Variants in PPM1B observed in about 807,000 individuals in gnomAD.
PPM1B encodes protein phosphatase, Mg2+/Mn2+ dependent 1B.
A neutral mutation model predicts 43.0 loss-of-function variants in PPM1B; 22 were observed. The ratio of observed to expected loss-of-function variants is 0.51; its 90% CI spans 0.37 to 0.73. PPM1B has a LOEUF of 0.73. PPM1B is among the 30% of genes least tolerant of loss of function. The pLI is 0.00. For missense variants in PPM1B, 632 were observed against 584.2 expected (o/e 1.08, Z -0.84); for synonymous variants, 217 against 197.9 (o/e 1.10, Z -0.81).
At chr2:44,226,134 C>A (rs1274065664) in intron 5 of PPM1B, among the ~76,000 whole-genome samples, 4 of 152,018 alleles carry the variant, frequency 2.6e-5, no homozygotes, top group African/African-American at 9.7e-5. Flanking sequence ...CGCCACCACG[C>A]CCAGCTAACT....
chr2:44,218,758 C>T (rs1298403765), intron 5 of PPM1B: 2 of 467,456 alleles, frequency 4.3e-6, no homozygotes, highest in Non-Finnish European at 3.9e-6. Flanking sequence ...ACTTTCTGGG[C>T]ATCAAATGAC....
At chr2:44,190,516 A>G (rs1668360700) in intron 1 of PPM1B, among the ~76,000 whole-genome samples, 2 of 151,970 alleles carry the variant, frequency 1.3e-5, no homozygotes, top group African/African-American at 2.4e-5. Flanking sequence ...TTTTTCCTGT[A>G]TCACTTTTTG....
At chr2:44,202,454 A>G (rs1668985535) in intron 2 of PPM1B, among the ~76,000 whole-genome samples, 1 of 152,234 alleles carries the variant, frequency 6.6e-6, no homozygotes, top group Admixed American at 6.5e-5. Context: ...AAGATGTACT[A>G]GATGCCTAGC....
chr2:44,190,245 C>G (rs904656707), intron 1 of PPM1B, among the ~76,000 whole-genome samples: 1 of 151,354 alleles, frequency 6.6e-6, no homozygotes, highest in Non-Finnish European at 1.5e-5. Context: ...AACCTCTGCC[C>G]CCAGGTTCAA....
intron 5 of PPM1B, among the ~76,000 whole-genome samples, chr2:44,241,855 A>ATTTTT (rs1308907282): frequency 6.1e-5 from 2 of 32,850 alleles, no homozygotes; most frequent in Admixed American, 4.2e-4. Context: ...TTAGAAAATA[A>ATTTTT]TCTTTTTTTT....
rs569465546 is a variant in PPM1B, at chr2:44,221,107, C to G, written c.1134+2570C>G. Among the ~76,000 whole-genome samples the G allele has an allele frequency of 2.2e-4, 34 of 152,214 alleles. No homozygotes were observed. In the South Asian group the frequency reaches 6.8e-3, roughly 31 times the overall value. ...CTGTGGTATTTTAATCTGTTAGAAACATTTACCATATTAGATTAAAGAGAT... is the reference window on the plus strand; with the variant it reads ...CTGTGGTATTTTAATCTGTTAGAAAGATTTACCATATTAGATTAAAGAGAT... On this transcript the variant is annotated intron_variant, in intron 5 of 5. Coordinates refer to ENST00000282412, the MANE Select transcript of PPM1B (RefSeq NM_002706.6).
In PPM1B at chr2:44,230,922, A is replaced by G; in HGVS notation, c.*204A>G. The G allele has an allele frequency of 1.3e-5, 15 of 1,187,464 alleles. No homozygotes were observed. Among genetic ancestry groups the G allele is most frequent in the South Asian group, 3.0e-5 (1 of 33,692 alleles). The allele number at this position is 1,187,464 out of a possible 1,614,324, so 73.6% of individuals were successfully genotyped here. ...GACTATTTATAGTACTATGGATTTA[A>G]TGAAATTATATGTCATTTCACATTG... On this transcript the variant is annotated 3_prime_UTR_variant, in exon 6 of 6. Transcript: ENST00000282412.
intron 5 of PPM1B, 42 bp downstream of exon 5, chr2:44,218,579 CAA>C (rs758881131): frequency 7.5e-7 from 1 of 1,328,410 alleles, no homozygotes; most frequent in South Asian, 1.3e-5. Flanking sequence ...AGTAATTTCA[CAA>C]TATAAATACT....
chr2:44,209,197 C>A lies in PPM1B; in HGVS notation c.847-13C>A. Reference sequence around the variant, plus strand: ...AAATACAATTTTTTTTCTTTTTTTTCTTTAATACACAGGGAAGTCGAGATA... The same window carrying A: ...AAATACAATTTTTTTTCTTTTTTTTATTTAATACACAGGGAAGTCGAGATA... On this transcript the variant is annotated splice_polypyrimidine_tract_variant and intron_variant, in intron 2 of 5. Coordinates refer to ENST00000282412, the MANE Select transcript of PPM1B (RefSeq NM_002706.6). 1 of 1,531,580 alleles carries A rather than the reference C, an allele frequency of 6.5e-7. No individual in the cohort carries two copies. The highest frequency in any genetic ancestry group is 1.3e-5 in the South Asian group (1 of 79,226). The allele number at this position is 1,531,580 out of a possible 1,614,324, so 94.9% of individuals were successfully genotyped here.
Position 44,218,694 on chromosome 2 carries a change from T to C in PPM1B, c.1134+157T>C. 3 of 596,352 alleles carry C rather than the reference T, an allele frequency of 5.0e-6. No individual in the cohort carries two copies. The South Asian group carries it at 6.5e-5, about 13-fold the overall frequency. 36.9% of individuals were successfully genotyped at this position (596,352 alleles called of 1,614,324 possible). A position where few individuals can be genotyped will look rare whatever the true frequency, so the allele number is the denominator to read the frequency against. On this transcript the variant is annotated intron_variant, in intron 5 of 5. Transcript: ENST00000282412. ...AAGTGTCAGTTAAAGTTTAAGAAAA[T>C]GTATTGAAATGAAGGTAGAGATAAA...
intron 5 of PPM1B, among the ~76,000 whole-genome samples, chr2:44,241,857 CTTTTT>C (rs397984437): frequency 1.1e-5 from 1 of 90,958 alleles, no homozygotes; most frequent in Non-Finnish European, 1.9e-5. Flanking sequence ...AGAAAATAAT[CTTTTT>C]TTTTTTTTTT....
intron 5 of PPM1B, among the ~76,000 whole-genome samples, chr2:44,223,120 CT>C (rs1403529855): frequency 3.9e-5 from 6 of 152,190 alleles, no homozygotes; most frequent in Non-Finnish European, 5.9e-5. Flanking sequence ...ACGTGAGCCA[CT>C]GCATCCAACC....
At position 44,201,308 on chromosome 2, in the gene PPM1B, G is replaced by C. The variant is rs1201140498; in HGVS notation, c.109G>C (p.Glu37Gln). The C allele has an allele frequency of 6.2e-7, 1 of 1,614,076 alleles. No individual in the cohort carries two copies. Among genetic ancestry groups the C allele is most frequent in the Non-Finnish European group, 8.5e-7 (1 of 1,180,034 alleles). The change falls in exon 2 of 6, where the codon GAA becomes CAA. Residue 37 changes from glutamate (E) to glutamine (Q), a missense_variant. Physicochemically the swap from Glu to Gln is conservative, Grantham distance 29. Transcript: ENST00000282412. This position sits in a 1 kb window ranked among gnomAD's most constrained non-coding sequence, Gnocchi z 5.4. ...SSMQGWRVEM[E>Q]DAHTAVVGIP... ...CATGCAAGGATGGAGAGTGGAAATG[G>C]AAGATGCACACACAGCTGTTGTAGG...
chr2:44,216,915 A>AG (rs1669745863), intron 3 of PPM1B, among the ~76,000 whole-genome samples: 3 of 151,236 alleles, frequency 2.0e-5, no homozygotes, highest in Admixed American at 1.3e-4. Context: ...AAAAAAAAAA[A>AG]GGGACATTCA....
At chr2:44,208,669 C>A (rs55939103) in intron 2 of PPM1B, among the ~76,000 whole-genome samples, 3,101 of 152,232 alleles carry the variant, frequency 0.02, 51 homozygotes, top group Non-Finnish European at 0.03. Flanking sequence ...GCCAAGATTG[C>A]GCCATTGTGC....
intron 1 of PPM1B, among the ~76,000 whole-genome samples, chr2:44,191,891 C>G (rs1414603310): frequency 6.6e-6 from 1 of 151,830 alleles, no homozygotes; most frequent in Non-Finnish European, 1.5e-5. Flanking sequence ...ATTTCAGTTG[C>G]TTTTTGTGTC....
intron 4 of PPM1B, 99 bp downstream of exon 4, chr2:44,218,177 A>C (rs1669812830): frequency 1.1e-6 from 1 of 879,334 alleles, no homozygotes; most frequent in Non-Finnish European, 1.8e-6. Context: ...AATTATCTAG[A>C]GGTGAAATGG....
chr2:44,232,968 A>G (rs929203279), downstream of PPM1B: 34 of 979,612 alleles, frequency 3.5e-5, no homozygotes, highest in African/African-American at 5.3e-5. Flanking sequence ...GAATAATATT[A>G]TAAACCCTTA....
chr2:44,212,913 TGAGGCAGGA>T (rs1188649271), intron 3 of PPM1B, among the ~76,000 whole-genome samples: 26 of 150,650 alleles, frequency 1.7e-4, no homozygotes, highest in Non-Finnish European at 2.4e-4. Flanking sequence ...CTCAGGAGGC[TGAGGCAGGA>T]GAATGGTGTG....
Sources: gnomAD v4.1 joint callset for allele counts (sites outside exome capture counted in the v4.1 genomes callset) on GRCh38, gnomAD v4.1.1 for gene constraint, Gnocchi (gnomAD v3.1) non-coding constraint, MANE v1.5 for transcripts, NCBI Gene and HGNC (gene_info 2026-07-23, HGNC 2026-07-21) for gene names.